The following JAM3 variants were observed in gnomAD, a reference collection of about 807,000 sequenced individuals.
JAM3 encodes junctional adhesion molecule 3, also known as junctional adhesion molecule C.
A neutral mutation model predicts 39.4 loss-of-function variants in JAM3; 31 were observed. The observed-to-expected ratio is 0.79, with a 90% CI of 0.59 to 1.06. JAM3 has a LOEUF of 1.06. JAM3 is among the 50% of genes least tolerant of loss of function. JAM3 has a pLI of 0.00. For synonymous variants in JAM3, 182 were observed against 148.7 expected, an observed-to-expected ratio of 1.22 and a Z score of -1.63; for missense variants, 455 against 391.4, an observed-to-expected ratio of 1.16 and a Z score of -1.37.
intron 1 of JAM3, among the ~76,000 whole-genome samples, chr11:134,135,374 A>G (rs1942844861): frequency 6.6e-6 from 1 of 152,170 alleles, no homozygotes; most frequent in African/African-American, 2.4e-5. Flanking sequence ...TTTGATCTGT[A>G]TGTCTGTCTT....
intron 1 of JAM3, among the ~76,000 whole-genome samples, chr11:134,124,679 T>A (rs1942608563): frequency 6.6e-6 from 1 of 151,768 alleles, no homozygotes; most frequent in Non-Finnish European, 1.5e-5. Flanking sequence ...CCTTGATGCC[T>A]AATTTTACTG....
chr11:134,124,786 A>T (rs1942611874), intron 1 of JAM3, among the ~76,000 whole-genome samples: 1 of 152,164 alleles, frequency 6.6e-6, no homozygotes, highest in Non-Finnish European at 1.5e-5. Context: ...AGTGTTAATT[A>T]TGGCACATAG....
chr11:134,107,892 A>G (rs900416609), intron 1 of JAM3, among the ~76,000 whole-genome samples: 1 of 152,068 alleles, frequency 6.6e-6, no homozygotes, highest in South Asian at 2.1e-4. Context: ...AAAAATAGGA[A>G]AAAAAATCAG....
rs192003875 is a variant in JAM3, at chr11:134,125,194, C to G, written c.77-14657C>G. 1.6e-4 allele frequency among the ~76,000 whole-genome samples: 24 copies of G among 152,354 alleles called. No homozygotes were observed. In the East Asian group the frequency reaches 3.3e-3, roughly 21 times the overall value. ...TCGTGCCGCCGCCACCGCCGCTGCA[C>G]GGGCAGCCAAAAGCAGCTCCCGCCC... On this transcript the variant is annotated intron_variant, in intron 1 of 8. Transcript: ENST00000299106.
intron 6 of JAM3, among the ~76,000 whole-genome samples, chr11:134,146,894 TCCC>T (rs1943082897): frequency 6.6e-6 from 1 of 151,864 alleles, no homozygotes. Context: ...CCTTCCCTCC[TCCC>T]TATTTGGAGC....
chr11:134,149,614 C>G lies in JAM3; in HGVS notation c.*433C>G. The G allele has an allele frequency of 2.2e-6, 1 of 463,470 alleles. No homozygotes were observed. Among genetic ancestry groups the G allele is most frequent in the Non-Finnish European group, 4.3e-6 (1 of 231,918 alleles). The allele number at this position is 463,470 out of a possible 1,614,324, so 28.7% of individuals were successfully genotyped here. On this transcript the variant is annotated 3_prime_UTR_variant, in exon 9 of 9. Coordinates refer to ENST00000299106, the MANE Select transcript of JAM3 (RefSeq NM_032801.5). ...GGACAGCACCAGCAGCGCATCCCGG[C>G]GGGAACCCAGAAAAGGCTTCTTACA...
chr11:134,086,693 T>C (rs659196), intron 1 of JAM3, among the ~76,000 whole-genome samples: 60,070 of 151,990 alleles, frequency 0.4, 12,923 homozygotes, highest in African/African-American at 0.58. Context: ...TAAGAATGAA[T>C]GAGTTCAGGA....
intron 1 of JAM3, among the ~76,000 whole-genome samples, chr11:134,116,766 A>ACATGTATTTATATC (rs1263210560): frequency 6.6e-6 from 1 of 152,116 alleles, no homozygotes; most frequent in Non-Finnish European, 1.5e-5. Flanking sequence ...GCTAGGAGAT[A>ACATGTATTTATATC]CATGTATTTA....
intron 1 of JAM3, among the ~76,000 whole-genome samples, chr11:134,094,532 A>C (rs1405289892): frequency 6.7e-6 from 1 of 149,126 alleles, no homozygotes; most frequent in Non-Finnish European, 1.5e-5. Flanking sequence ...GTTCCACCTT[A>C]CATGTCACTT....
chr11:134,124,466 C>G (rs1447146677), intron 1 of JAM3: 1 of 476,184 alleles, frequency 2.1e-6, no homozygotes, highest in Admixed American at 3.7e-5. Flanking sequence ...TTTCTCTATT[C>G]AACTTGTTTA....
At chr11:134,130,942 G>T (rs951420193) in intron 1 of JAM3, among the ~76,000 whole-genome samples, 1 of 152,196 alleles carries the variant, frequency 6.6e-6, no homozygotes, top group Non-Finnish European at 1.5e-5. Flanking sequence ...ACCTACAGAC[G>T]CCTGAAGAGA....
intron 1 of JAM3, among the ~76,000 whole-genome samples, chr11:134,088,697 T>A (rs193163344): frequency 6.6e-6 from 1 of 152,294 alleles, no homozygotes. Context: ...TTTGTGAATA[T>A]GTCATTGCCA....
intron 1 of JAM3, among the ~76,000 whole-genome samples, chr11:134,091,530 A>G (rs758806068): frequency 6.6e-6 from 1 of 151,782 alleles, no homozygotes; most frequent in Non-Finnish European, 1.5e-5. Context: ...GGATAGATAG[A>G]TAGATAGATA....
intron 3 of JAM3, 79 bp downstream of exon 3, chr11:134,140,849 A>C: frequency 6.5e-7 from 1 of 1,529,522 alleles, no homozygotes. Context: ...CCAGAAACTT[A>C]CCTCAGACTG....
intron 2 of JAM3, 46 bp downstream of exon 2, chr11:134,139,962 A>ACAC: frequency 7.0e-7 from 1 of 1,432,138 alleles, no homozygotes; most frequent in Non-Finnish European, 9.8e-7. Context: ...CATCTACTGG[A>ACAC]CATTTGATGT....
chr11:134,106,295 T>A (rs1337973446), intron 1 of JAM3, among the ~76,000 whole-genome samples: 2 of 152,080 alleles, frequency 1.3e-5, no homozygotes, highest in Non-Finnish European at 2.9e-5. Flanking sequence ...GCTAGCCATA[T>A]GTAGAAAGCT....
intron 1 of JAM3, among the ~76,000 whole-genome samples, chr11:134,127,690 A>G (rs1045754510): frequency 2.0e-5 from 3 of 152,206 alleles, no homozygotes; most frequent in African/African-American, 7.2e-5. Context: ...ACAGAGTGAG[A>G]CTCGATTTCA....
chr11:134,079,700 ATTTC>A (rs1463314374), intron 1 of JAM3, among the ~76,000 whole-genome samples: 1 of 152,212 alleles, frequency 6.6e-6, no homozygotes, highest in Non-Finnish European at 1.5e-5. Context: ...AAACATCCAC[ATTTC>A]TTTCCCTTTC....
At chr11:134,119,852 T>C (rs1201964407) in intron 1 of JAM3, among the ~76,000 whole-genome samples, 1 of 152,226 alleles carries the variant, frequency 6.6e-6, no homozygotes, top group Non-Finnish European at 1.5e-5. Context: ...TTGGGTCTTT[T>C]TGTACTTTCA....
Sources: allele counts gnomAD v4.1 joint callset (sites outside exome capture counted in the v4.1 genomes callset), GRCh38; gene constraint gnomAD v4.1.1; transcripts MANE v1.5; gene names NCBI Gene and HGNC (gene_info 2026-07-23, HGNC 2026-07-21).